Variants in FSTL5 observed in about 807,000 individuals in gnomAD.
FSTL5 encodes follistatin-related protein 5.
Under a neutral mutation model 89.1 loss-of-function variants are expected in FSTL5, and 62 were observed. The ratio of observed to expected loss-of-function variants is 0.70; its 90% CI spans 0.57 to 0.86. The LOEUF (loss-of-function observed/expected upper bound fraction) is 0.86, where lower values mean the gene tolerates loss of function less well. FSTL5 is among the 40% of genes least tolerant of loss of function. The pLI is 0.00. For missense variants in FSTL5, 1,057 were observed against 1,001.6 expected, an observed-to-expected ratio of 1.06 and a Z score of -0.75; for synonymous variants, 383 against 346.2, an observed-to-expected ratio of 1.11 and a Z score of -1.18.
chr4:161,826,167 T>C (rs1730660305), intron 4 of FSTL5, among the ~76,000 whole-genome samples: 1 of 152,180 alleles, frequency 6.6e-6, no homozygotes, highest in South Asian at 2.1e-4. Context: ...GGTTATTTAA[T>C]TTCCATATAT....
rs528648341 is a variant in FSTL5, at chr4:161,768,147, G to A, written c.606+7731C>T. On this transcript the variant is annotated intron_variant, in intron 5 of 15. Transcript: ENST00000306100. ...GAGGATTTTATCTGGCTCTGAAGATGTAAAATATATGGCACAAGACAGAGA... is the reference window on the plus strand; with the variant it reads ...GAGGATTTTATCTGGCTCTGAAGATATAAAATATATGGCACAAGACAGAGA... Among the ~76,000 whole-genome samples the A allele has an allele frequency of 8.5e-5, 13 of 152,218 alleles. No homozygotes were observed. In the South Asian group the frequency reaches 1.9e-3, roughly 22 times the overall value.
intron 5 of FSTL5, among the ~76,000 whole-genome samples, chr4:161,762,021 T>C (rs2126791654): frequency 6.6e-6 from 1 of 152,296 alleles, no homozygotes; most frequent in Middle Eastern, 3.4e-3. Flanking sequence ...TCTTCTTTTC[T>C]GTTTTTTCAC....
chr4:161,999,975 A>T (rs1317979418), intron 3 of FSTL5, among the ~76,000 whole-genome samples: 1 of 152,206 alleles, frequency 6.6e-6, no homozygotes, highest in African/African-American at 2.4e-5. Flanking sequence ...TACAGGTATC[A>T]TATAAGGTCA....
intron 4 of FSTL5, among the ~76,000 whole-genome samples, chr4:161,865,164 G>C (rs1171125738): frequency 2.0e-5 from 3 of 152,046 alleles, no homozygotes; most frequent in Admixed American, 6.6e-5. Flanking sequence ...CAAGTGAAAA[G>C]AGAAGAGACA....
intron 7 of FSTL5, among the ~76,000 whole-genome samples, chr4:161,616,285 A>C (rs960408577): frequency 6.6e-6 from 1 of 152,002 alleles, no homozygotes; most frequent in Non-Finnish European, 1.5e-5. Flanking sequence ...GGGTTTCACC[A>C]TGTTGGCCAG....
chr4:161,518,394 T>C (rs1485692144), intron 10 of FSTL5, among the ~76,000 whole-genome samples: 1 of 152,110 alleles, frequency 6.6e-6, no homozygotes, highest in African/African-American at 2.4e-5. Context: ...TAGGGTGGTA[T>C]AGTCAGGACT....
At chr4:161,816,583 G>A (rs1730332861) in intron 4 of FSTL5, among the ~76,000 whole-genome samples, 1 of 152,064 alleles carries the variant, frequency 6.6e-6, no homozygotes, top group African/African-American at 2.4e-5. Context: ...ACTTTACAAA[G>A]GGGTAAAAGC....
chr4:161,398,977 C>G (rs1279925823), intron 15 of FSTL5, among the ~76,000 whole-genome samples: 2 of 151,830 alleles, frequency 1.3e-5, no homozygotes, highest in African/African-American at 4.8e-5. Context: ...CCACTTGGTG[C>G]AATAGAATAC....
At chr4:162,068,002 G>C (rs1441616023) in intron 2 of FSTL5, among the ~76,000 whole-genome samples, 2 of 151,822 alleles carry the variant, frequency 1.3e-5, no homozygotes, top group East Asian at 1.9e-4. Context: ...GGAAGTGAAG[G>C]CCCTCTTCAA....
intron 3 of FSTL5, among the ~76,000 whole-genome samples, chr4:161,931,057 T>C (rs945100111): frequency 1.2e-4 from 18 of 151,866 alleles, no homozygotes; most frequent in Non-Finnish European, 2.9e-5. Context: ...TACATAGAAA[T>C]TAGGGATGTG....
chr4:161,806,425 A>T (rs1729968364), intron 4 of FSTL5, among the ~76,000 whole-genome samples: 1 of 152,166 alleles, frequency 6.6e-6, no homozygotes, highest in Non-Finnish European at 1.5e-5. Context: ...GGATTGGAGG[A>T]AAAATGAGAT....
chr4:161,490,709 A>G (rs958162294), intron 12 of FSTL5, among the ~76,000 whole-genome samples: 2 of 152,162 alleles, frequency 1.3e-5, no homozygotes, highest in Non-Finnish European at 2.9e-5. Flanking sequence ...ATTTATCTTT[A>G]AAAACTATAA....
At chr4:161,954,865 A>C (rs1358446792) in intron 3 of FSTL5, among the ~76,000 whole-genome samples, 1 of 151,708 alleles carries the variant, frequency 6.6e-6, no homozygotes, top group Non-Finnish European at 1.5e-5. Context: ...AATTCAGATA[A>C]TGTGAAAAAT....
chr4:161,422,742 T>C (rs1191601433), intron 15 of FSTL5, among the ~76,000 whole-genome samples: 1 of 149,862 alleles, frequency 6.7e-6, no homozygotes, highest in Admixed American at 6.6e-5. Context: ...CTAGGGAGTT[T>C]GCTTTATTTT....
At chr4:161,884,898 G>A (rs979664930) in intron 4 of FSTL5, among the ~76,000 whole-genome samples, 44 of 152,062 alleles carry the variant, frequency 2.9e-4, no homozygotes, top group Admixed American at 9.8e-4. Flanking sequence ...GAAATATCAG[G>A]AAAATTTAGA....
At position 161,405,043 on chromosome 4, in the gene FSTL5, C is replaced by T. The variant is rs547761854; in HGVS notation, c.1842-18594G>A. On this transcript the variant is annotated intron_variant, in intron 15 of 15. Coordinates refer to ENST00000306100, the MANE Select transcript of FSTL5 (RefSeq NM_020116.5). ...GTCAAGAGTTCGAGACCAACCTGAC[C>T]AACATGGTGAAACCCTGTCTCTACT... 6.2e-4 allele frequency among the ~76,000 whole-genome samples: 94 copies of T among 152,036 alleles called. 1 individual carries two copies. The highest frequency in any genetic ancestry group is 1.1e-3 in the Non-Finnish European group (78 of 67,978).
chr4:161,994,904 A>AT (rs1182846439), intron 3 of FSTL5, among the ~76,000 whole-genome samples: 1 of 152,082 alleles, frequency 6.6e-6, no homozygotes, highest in East Asian at 1.9e-4. Flanking sequence ...CCATTTGTCA[A>AT]TTTTTGCTTT....
At chr4:161,899,606 T>C (rs1030823152) in intron 4 of FSTL5, among the ~76,000 whole-genome samples, 4 of 152,192 alleles carry the variant, frequency 2.6e-5, no homozygotes, top group African/African-American at 7.2e-5. Flanking sequence ...ATCTACTATG[T>C]GTCAGATATT....
chr4:161,405,289 GAACAACAAC>G (rs112420660), intron 15 of FSTL5, among the ~76,000 whole-genome samples: 16,455 of 147,594 alleles, frequency 0.11, 876 homozygotes, highest in Non-Finnish European at 0.12. Flanking sequence ...ATGGATCAAA[GAACAACAAC>G]AACAACAACA....
Sources: gnomAD v4.1 joint callset for allele counts (sites outside exome capture counted in the v4.1 genomes callset) on GRCh38, gnomAD v4.1.1 for gene constraint, MANE v1.5 for transcripts, NCBI Gene and HGNC (gene_info 2026-07-23, HGNC 2026-07-21) for gene names.